USP16: variants seen among roughly 807,000 people sequenced by gnomAD.
The protein encoded by USP16 is ubiquitin carboxyl-terminal hydrolase 16.
A neutral mutation model predicts 95.9 loss-of-function variants in USP16; 77 were observed. The observed-to-expected ratio is 0.80, with a 90% CI of 0.67 to 0.97. The LOEUF (loss-of-function observed/expected upper bound fraction) is 0.97. Among genes scored for constraint, USP16 ranks in the 50% least tolerant of loss-of-function variants. USP16 has a pLI of 0.00. For missense variants in USP16, 943 were observed against 959.9 expected (o/e 0.98, Z 0.23); for synonymous variants, 303 against 318.2 (o/e 0.95, Z 0.51).
Position 29,030,081 on chromosome 21 carries a change from T to G in USP16, c.62-514T>G, listed in dbSNP as rs189200031. ...TGGTGACTTTAGCCTTCTCTGCTTGTGCTGCTATACCATGTTTCGGAGATT... is the reference window on the plus strand; with the variant it reads ...TGGTGACTTTAGCCTTCTCTGCTTGGGCTGCTATACCATGTTTCGGAGATT... On this transcript the variant is annotated intron_variant, in intron 2 of 17. Transcript: ENST00000399976. Among the ~76,000 whole-genome samples, 344 of 152,116 alleles carry G rather than the reference T, an allele frequency of 2.3e-3. 1 individual carries two copies. Among genetic ancestry groups the G allele is most frequent in the African/African-American group, 7.9e-3 (327 of 41,492 alleles).
intron 11 of USP16, 69 bp from the exon 12 acceptor site, chr21:29,042,403 C>T (rs2254872): frequency 0.45 from 665,402 of 1,463,990 alleles, 156,346 homozygotes; most frequent in South Asian, 0.52. Flanking sequence ...TCCCACAGGG[C>T]AGGGAGGATC....
intron 9 of USP16, among the ~76,000 whole-genome samples, chr21:29,040,173 A>G (rs954634955): frequency 6.6e-5 from 10 of 152,024 alleles, no homozygotes. Flanking sequence ...GGATACTGTG[A>G]TTTTTTCCTA....
At chr21:29,033,461 G>A (rs1370912969) in intron 3 of USP16, among the ~76,000 whole-genome samples, 1 of 152,192 alleles carries the variant, frequency 6.6e-6, no homozygotes, top group Non-Finnish European at 1.5e-5. Flanking sequence ...AACACGACCG[G>A]TTGTTGTACT....
chr21:29,024,879 G>A (rs1015037647), intron 1 of USP16, 102 bp downstream of exon 1: 4 of 1,149,156 alleles, frequency 3.5e-6, no homozygotes, highest in Non-Finnish European at 4.4e-6. Flanking sequence ...CTTGAAGGCC[G>A]CTCTCCTTAA....
rs754406539 is a variant in USP16, at chr21:29,054,164, CTATTTTA to C, written c.2451_2457del (p.Phe818ArgfsTer30). ...AGTACTAAACTCACAAGCGTACCTC[CTATTTTA>C]TGAGAGAATACTGTAATAATATCAA... is the stretch of plus-strand genomic sequence containing the variant. On this transcript the variant is annotated frameshift_variant, in exon 18 of 18. Transcript: ENST00000399976. LOFTEE classifies it high-confidence loss of function. The C allele has an allele frequency of 6.2e-7, 1 of 1,614,042 alleles. No homozygotes were observed. Among genetic ancestry groups the C allele is most frequent in the South Asian group, 1.1e-5 (1 of 91,070 alleles).
intron 13 of USP16, among the ~76,000 whole-genome samples, chr21:29,046,012 T>G (rs1601067656): frequency 6.6e-6 from 1 of 152,142 alleles, no homozygotes; most frequent in Non-Finnish European, 1.5e-5. Flanking sequence ...TTAGTAGAGA[T>G]GGGTTTTCAC....
chr21:29,046,563 A>C lies in USP16; in HGVS notation c.1357-104A>C. On this transcript the variant is annotated intron_variant, in intron 13 of 17. Transcript: ENST00000399976. ...TGATTGACAAGCAGCAAAACTGGAT[A>C]TAGTACATGTGTGTGTTTTGTCCTT... 2.6e-6 allele frequency: 3 copies of C among 1,169,306 alleles called. No homozygotes were observed. The South Asian group carries it at 4.9e-5, about 19-fold the overall frequency. The allele number at this position is 1,169,306 out of a possible 1,614,324, so 72.4% of individuals were successfully genotyped here.
chr21:29,034,694 G>A, intron 3 of USP16, 143 bp from the exon 4 acceptor site: 1 of 716,384 alleles, frequency 1.4e-6, no homozygotes, highest in Non-Finnish European at 2.3e-6. Flanking sequence ...ACAAAATATT[G>A]ATTCTAGAGT....
Position 29,054,249 on chromosome 21 carries a change from A to AT in USP16, c.*63dup. 6.5e-7 allele frequency: 1 copy of AT among 1,535,788 alleles called. No homozygotes were observed. Among genetic ancestry groups the AT allele is most frequent in the Non-Finnish European group, 8.9e-7 (1 of 1,125,610 alleles). ...GGCTTTTATAATGGCTGAAATAACG[A>AT]TAAAAAAAGACTAATTAAAATCATG... On this transcript the variant is annotated 3_prime_UTR_variant, in exon 18 of 18. Transcript: ENST00000399976.
chr21:29,034,080 A>T (rs992204990), intron 3 of USP16, among the ~76,000 whole-genome samples: 1 of 152,220 alleles, frequency 6.6e-6, no homozygotes, highest in Non-Finnish European at 1.5e-5. Flanking sequence ...AGGTTTGTTT[A>T]TTAGGAGTTT....
intron 2 of USP16, among the ~76,000 whole-genome samples, chr21:29,029,592 TG>T (rs900624704): frequency 6.6e-6 from 1 of 152,236 alleles, no homozygotes; most frequent in African/African-American, 2.4e-5. Flanking sequence ...CCAGTGTTCC[TG>T]GAACAACTCA....
At chr21:29,031,032 A>G (rs1416984734) in intron 3 of USP16, among the ~76,000 whole-genome samples, 7 of 152,220 alleles carry the variant, frequency 4.6e-5, no homozygotes, top group Non-Finnish European at 1.0e-4. Flanking sequence ...AGCCAATCCC[A>G]CAGTGATCTC....
At chr21:29,036,070 C>T (rs915035694) in intron 4 of USP16, among the ~76,000 whole-genome samples, 1 of 152,172 alleles carries the variant, frequency 6.6e-6, no homozygotes, top group African/African-American at 2.4e-5. Context: ...TACTTATATG[C>T]AGCCATAATT....
chr21:29,033,123 G>C (rs373549237), intron 3 of USP16, among the ~76,000 whole-genome samples: 2 of 152,180 alleles, frequency 1.3e-5, no homozygotes, highest in South Asian at 2.1e-4. Flanking sequence ...CAGTTTTTCA[G>C]AATATATTTT....
chr21:29,039,411 GATT>G, intron 8 of USP16, 67 bp from the exon 9 acceptor site: 1 of 1,523,360 alleles, frequency 6.6e-7, no homozygotes, highest in Non-Finnish European at 8.9e-7. Flanking sequence ...ATGATCCTAA[GATT>G]TTCTAAAAAT....
rs1015341388 is a variant in USP16 at position 29,024,881 on chromosome 21, T to C, written c.-42+104T>C. On this transcript the variant is annotated intron_variant, in intron 1 of 17. Coordinates refer to ENST00000399976, the MANE Select transcript of USP16 (RefSeq NM_006447.3). ...ACTTCGTTCTCTTCTTGAAGGCCGC[T>C]CTCCTTAAGCACGTAACCCGGCTAC... 1.7e-5 allele frequency: 20 copies of C among 1,143,814 alleles called. No individual in the cohort carries two copies. The African/African-American group carries it at 2.9e-4, about 17-fold the overall frequency. The allele number at this position is 1,143,814 out of a possible 1,614,324, so 70.9% of individuals were successfully genotyped here. A position where few individuals can be genotyped will look rare whatever the true frequency, so the allele number is the denominator to read the frequency against.
intron 3 of USP16, 81 bp downstream of exon 3, chr21:29,030,854 G>A: frequency 1.4e-6 from 2 of 1,458,960 alleles, no homozygotes; most frequent in South Asian, 1.4e-5. Flanking sequence ...TGAAAGTACA[G>A]TATGGATAAA....
At chr21:29,040,797 C>A in intron 10 of USP16, 110 bp downstream of exon 10, 1 of 476,048 alleles carries the variant, frequency 2.1e-6, no homozygotes, top group Non-Finnish European at 3.5e-6. Flanking sequence ...TGTATAATTT[C>A]TCTTTATCAA....
In USP16 at chr21:29,054,223, T is replaced by C. The variant is rs2085461401; in HGVS notation, c.*36T>C. ...AGCACTTTTTCTGGAAACACATTTATGGCTTTTATAATGGCTGAAATAACG... is the reference window on the plus strand; with the variant it reads ...AGCACTTTTTCTGGAAACACATTTACGGCTTTTATAATGGCTGAAATAACG... On this transcript the variant is annotated 3_prime_UTR_variant, in exon 18 of 18. Coordinates refer to ENST00000399976, the MANE Select transcript of USP16 (RefSeq NM_006447.3). 6.3e-7 allele frequency: 1 copy of C among 1,591,668 alleles called. No homozygotes were observed. The highest frequency in any genetic ancestry group is 8.6e-7 in the Non-Finnish European group (1 of 1,164,014).
Sources: allele counts gnomAD v4.1 joint callset (sites outside exome capture counted in the v4.1 genomes callset), GRCh38; gene constraint gnomAD v4.1.1; transcripts MANE v1.5; gene names NCBI Gene and HGNC (gene_info 2026-07-23, HGNC 2026-07-21).